Variants in MINDY4 observed in about 807,000 individuals in gnomAD.
The protein encoded by MINDY4 is probable ubiquitin carboxyl-terminal hydrolase MINDY-4.
A neutral mutation model predicts 87.0 loss-of-function variants in MINDY4; 68 were observed. That is an observed-to-expected ratio of 0.78 (90% confidence interval 0.64 to 0.96). The LOEUF is 0.96. Among genes scored for constraint, MINDY4 ranks in the 40% least tolerant of loss-of-function variants. The probability of loss-of-function intolerance (pLI) is 0.00; values close to 1 mark genes in which losing one functional copy is unlikely to be tolerated. For missense variants in MINDY4, 919 were observed against 928.2 expected, an observed-to-expected ratio of 0.99 and a Z score of 0.13; for synonymous variants, 379 against 363.2, an observed-to-expected ratio of 1.04 and a Z score of -0.50.
chr7:30,889,211 C>T (rs1456869922), intron 17 of MINDY4, among the ~76,000 whole-genome samples: 1 of 152,178 alleles, frequency 6.6e-6, no homozygotes, highest in East Asian at 1.9e-4. Context: ...TTTTTAATGA[C>T]ACACTCCAAA....
intron 8 of MINDY4, among the ~76,000 whole-genome samples, chr7:30,839,897 G>A (rs976385316): frequency 3.9e-5 from 6 of 152,050 alleles, no homozygotes; most frequent in African/African-American, 1.4e-4. Flanking sequence ...TATACTCATG[G>A]GCAGAAAATA....
intron 13 of MINDY4, among the ~76,000 whole-genome samples, chr7:30,862,999 C>G (rs1052972520): frequency 2.0e-5 from 3 of 152,152 alleles, no homozygotes; most frequent in Admixed American, 1.3e-4. Flanking sequence ...TGCTGCCCCC[C>G]TCCCCAGCCT....
At chr7:30,839,487 G>A (rs1183015475) in intron 8 of MINDY4, among the ~76,000 whole-genome samples, 171 bp downstream of exon 8, 1 of 152,220 alleles carries the variant, frequency 6.6e-6, no homozygotes, top group African/African-American at 2.4e-5. Context: ...GATGTGGCTG[G>A]TGCAGCAAGA....
intron 6 of MINDY4, among the ~76,000 whole-genome samples, chr7:30,834,843 A>G (rs951208933): frequency 3.9e-5 from 6 of 152,188 alleles, no homozygotes; most frequent in African/African-American, 1.4e-4. Context: ...AATGCTGCCA[A>G]TCTCTGCTAG....
chr7:30,846,783 G>A (rs1431734023), intron 9 of MINDY4, among the ~76,000 whole-genome samples: 6 of 151,988 alleles, frequency 3.9e-5, no homozygotes, highest in Non-Finnish European at 2.9e-5. Context: ...GGATGGTTTC[G>A]GTATGATTCA....
At chr7:30,847,888 A>G (rs1304082355) in intron 9 of MINDY4, among the ~76,000 whole-genome samples, 3 of 152,058 alleles carry the variant, frequency 2.0e-5, no homozygotes, top group Admixed American at 2.0e-4. Context: ...TGCACATGCC[A>G]CCACACCTGG....
chr7:30,847,255 C>T (rs1789250551), intron 9 of MINDY4, among the ~76,000 whole-genome samples: 1 of 152,132 alleles, frequency 6.6e-6, no homozygotes, highest in Non-Finnish European at 1.5e-5. Flanking sequence ...ATGGAGAAGG[C>T]CCAGGGAAGA....
chr7:30,789,746 T>G (rs1222461127), intron 4 of MINDY4, among the ~76,000 whole-genome samples: 1 of 152,186 alleles, frequency 6.6e-6, no homozygotes, highest in Non-Finnish European at 1.5e-5. Flanking sequence ...TTGGATTATT[T>G]CTGGAAATAT....
intron 6 of MINDY4, among the ~76,000 whole-genome samples, chr7:30,835,845 G>A (rs61210703): frequency 0.091 from 13,850 of 152,266 alleles, 794 homozygotes; most frequent in African/African-American, 0.14. Flanking sequence ...TGAATGCAGC[G>A]GCAGCAGGTG....
At chr7:30,842,956 T>C (rs573331554) in intron 9 of MINDY4, among the ~76,000 whole-genome samples, 2 of 152,160 alleles carry the variant, frequency 1.3e-5, no homozygotes, top group South Asian at 2.1e-4. Flanking sequence ...CCCATTAAGA[T>C]AAAACCAGGC....
chr7:30,859,467 G>C, intron 13 of MINDY4, 143 bp downstream of exon 13: 3 of 772,882 alleles, frequency 3.9e-6, no homozygotes, highest in Non-Finnish European at 4.3e-6. Context: ...CAGTGGAGTA[G>C]GGGAAGGTCT....
At chr7:30,771,882 A>G (rs1245196367) in intron 1 of MINDY4, among the ~76,000 whole-genome samples, 1 of 152,226 alleles carries the variant, frequency 6.6e-6, no homozygotes, top group African/African-American at 2.4e-5. Context: ...GCGGGCGCAC[A>G]GCGGGCAGGC....
At chr7:30,784,184 C>T (rs1305743239) in intron 3 of MINDY4, among the ~76,000 whole-genome samples, 4 of 152,178 alleles carry the variant, frequency 2.6e-5, no homozygotes, top group Non-Finnish European at 5.9e-5. Context: ...GAGGCACTTA[C>T]TACCTGGCTG....
At chr7:30,822,924 G>A (rs981615545) in intron 5 of MINDY4, among the ~76,000 whole-genome samples, 2 of 152,040 alleles carry the variant, frequency 1.3e-5, no homozygotes, top group Non-Finnish European at 2.9e-5. Context: ...GATTACAGGT[G>A]TGAGCCACTG....
At chr7:30,872,184 C>T (rs1028993078) in intron 13 of MINDY4, 59 bp from the exon 14 acceptor site, 33 of 1,543,446 alleles carry the variant, frequency 2.1e-5, no homozygotes, top group East Asian at 1.4e-4. Flanking sequence ...GGTCACCTAG[C>T]GAGGTTTGCA....
chr7:30,808,098 G>A (rs911737874), intron 5 of MINDY4, among the ~76,000 whole-genome samples: 3 of 152,208 alleles, frequency 2.0e-5, no homozygotes, highest in East Asian at 1.9e-4. Context: ...CAGCTTGAGC[G>A]ACGCAGATCC....
At chr7:30,850,592 C>T (rs745563872) in intron 10 of MINDY4, 37 bp downstream of exon 10, 28 of 1,550,832 alleles carry the variant, frequency 1.8e-5, no homozygotes, top group African/African-American at 8.2e-5. Context: ...CGTGGCTCAT[C>T]GTCTGCTGGC....
chr7:30,771,757 G>T (rs1786642838), intron 1 of MINDY4, among the ~76,000 whole-genome samples: 1 of 152,222 alleles, frequency 6.6e-6, no homozygotes, highest in African/African-American at 2.4e-5. Context: ...CGTCGTCACC[G>T]GGCGCTTCCG....
chr7:30,844,288 A>G (rs997895869), intron 9 of MINDY4, among the ~76,000 whole-genome samples: 4 of 152,130 alleles, frequency 2.6e-5, no homozygotes, highest in African/African-American at 9.7e-5. Context: ...GCTCGCTGAA[A>G]AAGCCTCAGG....
Sources: allele counts gnomAD v4.1 joint callset (sites outside exome capture counted in the v4.1 genomes callset), GRCh38; gene constraint gnomAD v4.1.1; transcripts MANE v1.5; gene names NCBI Gene and HGNC (gene_info 2026-07-23, HGNC 2026-07-21).